FILIP1L: variants seen among roughly 807,000 people sequenced by gnomAD.
The protein encoded by FILIP1L is filamin A-interacting protein 1-like.
Under a neutral mutation model 96.6 loss-of-function variants are expected in FILIP1L, and 55 were observed. The observed-to-expected ratio is 0.57, with a 90% confidence interval of 0.46 to 0.71. The LOEUF is 0.71. FILIP1L is among the 30% of genes least tolerant of loss of function. The probability of loss-of-function intolerance (pLI) is 0.00; values close to 1 mark genes in which losing one functional copy is unlikely to be tolerated. For missense variants in FILIP1L, 1,304 were observed against 1,321.2 expected, an observed-to-expected ratio of 0.99 and a Z score of 0.20; for synonymous variants, 467 against 473.9, an observed-to-expected ratio of 0.99 and a Z score of 0.19.
rs777506667 is a variant in FILIP1L at position 99,898,653 on chromosome 3, C to T, written c.605+25577G>A. 41 of 182,532 alleles carry T rather than the reference C, an allele frequency of 2.2e-4. No homozygotes were observed. The Middle Eastern group carries it at 7.4e-3, about 33-fold the overall frequency. 11.3% of individuals were successfully genotyped at this position (182,532 alleles called of 1,614,324 possible). A position where few individuals can be genotyped will look rare whatever the true frequency, so the allele number is the denominator to read the frequency against. ...TGATGGCGGGTGCCTGTAATCCCAG[C>T]TACTTGGAATGCTGAGGCAGGAGAA... On this transcript the variant is annotated intron_variant, in intron 4 of 5. Transcript: ENST00000477258.
intron 1 of FILIP1L, among the ~76,000 whole-genome samples, chr3:100,042,859 T>C (rs2065227104): frequency 6.6e-6 from 1 of 152,206 alleles, no homozygotes; most frequent in Non-Finnish European, 1.5e-5. Flanking sequence ...AAAAATGGAT[T>C]GAAGGAGAGG....
At chr3:100,104,143 A>G (rs1432642641) in intron 1 of FILIP1L, among the ~76,000 whole-genome samples, 2 of 152,178 alleles carry the variant, frequency 1.3e-5, no homozygotes, top group Non-Finnish European at 2.9e-5. Flanking sequence ...ACAGGTTACA[A>G]TGAGAGTGGC....
chr3:99,983,428 G>A (rs1267395081), intron 1 of FILIP1L, among the ~76,000 whole-genome samples: 485 of 46,716 alleles, frequency 0.01, 8 homozygotes, highest in African/African-American at 0.03. Flanking sequence ...ATGTATGTAT[G>A]TATGTATATA....
intron 5 of FILIP1L, among the ~76,000 whole-genome samples, chr3:99,845,006 G>T (rs755661544): frequency 3.9e-5 from 6 of 152,118 alleles, no homozygotes; most frequent in Non-Finnish European, 8.8e-5. Flanking sequence ...ATTCTTTATA[G>T]CAGTATAAAA....
Position 99,850,275 on chromosome 3 carries a change from T to A in FILIP1L, c.1401A>T (p.Val467=). ...CAATGGCTTCTAGCTCTTTGATCCTTACTTTTAAACTCTCCAGTTCTTGAG... is the reference window on the plus strand; with the variant it reads ...CAATGGCTTCTAGCTCTTTGATCCTAACTTTTAAACTCTCCAGTTCTTGAG... The part of the protein sequence containing the change: ...QLSQELESLK[V]RIKELEAIES... Residue 467 remains valine (V), a synonymous_variant, in exon 5 of 6, where the codon GTA becomes GTT. Transcript: ENST00000477258. The A allele has an allele frequency of 6.2e-7, 1 of 1,613,976 alleles. No individual in the cohort carries two copies. The highest frequency in any genetic ancestry group is 8.5e-7 in the Non-Finnish European group (1 of 1,180,008).
chr3:100,044,274 G>A (rs946336078), intron 1 of FILIP1L, among the ~76,000 whole-genome samples: 1 of 152,224 alleles, frequency 6.6e-6, no homozygotes, highest in African/African-American at 2.4e-5. Context: ...GATTGACATG[G>A]TCTTTGCCCT....
intron 4 of FILIP1L, among the ~76,000 whole-genome samples, chr3:99,906,376 T>C (rs1239874171): frequency 1.3e-5 from 2 of 152,204 alleles, no homozygotes; most frequent in Admixed American, 1.3e-4. Flanking sequence ...GTCAGTCTTA[T>C]TTTTTATTAA....
intron 4 of FILIP1L, among the ~76,000 whole-genome samples, chr3:99,899,224 TAA>T (rs2107624216): frequency 6.6e-6 from 1 of 152,360 alleles, no homozygotes; most frequent in South Asian, 2.1e-4. Context: ...TTGCATCATA[TAA>T]AGAGTCTGCT....
At chr3:99,953,124 A>G (rs1463592083) in intron 1 of FILIP1L, among the ~76,000 whole-genome samples, 1 of 152,218 alleles carries the variant, frequency 6.6e-6, no homozygotes, top group African/African-American at 2.4e-5. Context: ...TTAAAGGTCA[A>G]TGCTATGTAT....
chr3:99,875,270 G>A (rs996268276), intron 4 of FILIP1L, among the ~76,000 whole-genome samples: 3 of 152,106 alleles, frequency 2.0e-5, no homozygotes, highest in Admixed American at 6.5e-5. Context: ...GGTAGCAATA[G>A]CCTCTTCAGG....
At chr3:99,897,291 C>G (rs936824962) in intron 4 of FILIP1L, among the ~76,000 whole-genome samples, 2 of 151,948 alleles carry the variant, frequency 1.3e-5, no homozygotes, top group African/African-American at 2.4e-5. Flanking sequence ...CCCAGGAGGC[C>G]TCCGCGGGAG....
At chr3:100,107,254 A>G (rs1204666354) in intron 1 of FILIP1L, among the ~76,000 whole-genome samples, 2 of 152,184 alleles carry the variant, frequency 1.3e-5, no homozygotes, top group Non-Finnish European at 2.9e-5. Context: ...GAATATAATA[A>G]TAGAATTCTA....
intron 1 of FILIP1L, among the ~76,000 whole-genome samples, chr3:100,025,988 C>T (rs1267965495): frequency 6.6e-6 from 1 of 152,156 alleles, no homozygotes; most frequent in Non-Finnish European, 1.5e-5. Flanking sequence ...GGTCAAGTAC[C>T]TTACCTCGCT....
intron 4 of FILIP1L, among the ~76,000 whole-genome samples, chr3:99,917,818 T>C (rs1706999834): frequency 6.6e-6 from 1 of 152,236 alleles, no homozygotes; most frequent in African/African-American, 2.4e-5. Flanking sequence ...GTAGTCACTG[T>C]CATTCTCACT....
intron 1 of FILIP1L, among the ~76,000 whole-genome samples, chr3:100,062,635 TA>T (rs1409549735): frequency 1.3e-5 from 2 of 152,216 alleles, no homozygotes; most frequent in Non-Finnish European, 2.9e-5. Context: ...GCCTGTCTTT[TA>T]ACATTGATTC....
chr3:99,919,012 GTA>G (rs1345718196), intron 4 of FILIP1L, among the ~76,000 whole-genome samples: 1 of 152,166 alleles, frequency 6.6e-6, no homozygotes, highest in Non-Finnish European at 1.5e-5. Context: ...AGTTTAGTGT[GTA>G]TGAAATTTAA....
At chr3:100,080,456 C>A (rs1027806847) in intron 1 of FILIP1L, among the ~76,000 whole-genome samples, 2 of 152,052 alleles carry the variant, frequency 1.3e-5, no homozygotes, top group African/African-American at 4.8e-5. Context: ...TGGGGAGTAC[C>A]CTAGACAATT....
intron 1 of FILIP1L, among the ~76,000 whole-genome samples, chr3:100,081,370 G>A (rs2065929321): frequency 6.6e-6 from 1 of 152,114 alleles, no homozygotes; most frequent in Non-Finnish European, 1.5e-5. Context: ...TTATGCTTTT[G>A]GAAACCCAGC....
intron 1 of FILIP1L, chr3:100,025,521 G>C (rs749672483): frequency 5.9e-5 from 9 of 152,102 alleles, no homozygotes; most frequent in Non-Finnish European, 1.3e-4. Flanking sequence ...GGATGAATAC[G>C]AAGGAACGGG....
Sources: allele counts gnomAD v4.1 joint callset (sites outside exome capture counted in the v4.1 genomes callset), GRCh38; gene constraint gnomAD v4.1.1; transcripts MANE v1.5; gene names NCBI Gene and HGNC (gene_info 2026-07-23, HGNC 2026-07-21).